Variants in TMTC1 observed in about 807,000 individuals in gnomAD.
TMTC1 encodes the protein protein O-mannosyl-transferase TMTC1.
Under a neutral mutation model 104.8 loss-of-function variants are expected in TMTC1, and 73 were observed. The ratio of observed to expected loss-of-function variants is 0.70; its 90% CI spans 0.58 to 0.85. The LOEUF (loss-of-function observed/expected upper bound fraction) is 0.85. Among genes scored for constraint, TMTC1 ranks in the 40% least tolerant of loss-of-function variants. TMTC1 has a pLI of 0.00. For missense variants in TMTC1, 1,035 were observed against 1,096.1 expected (o/e 0.94, Z 0.79); for synonymous variants, 434 against 428.7 (o/e 1.01, Z -0.15).
intron 5 of TMTC1, among the ~76,000 whole-genome samples, chr12:29,637,442 A>T (rs953074157): frequency 6.6e-6 from 1 of 152,260 alleles, no homozygotes; most frequent in Non-Finnish European, 1.5e-5. Flanking sequence ...TCACAAGAAT[A>T]TCTTGCCAAC....
In TMTC1 at chr12:29,536,314, G is replaced by C; in HGVS notation, c.1680C>G (p.Ser560=). 6.3e-7 allele frequency: 1 copy of C among 1,597,736 alleles called. No homozygotes were observed. The highest frequency in any genetic ancestry group is 8.6e-7 in the Non-Finnish European group (1 of 1,168,218). Residue 560 remains serine (S), a synonymous_variant, in exon 11 of 18, where the codon TCC becomes TCG. Coordinates refer to ENST00000539277, the MANE Select transcript of TMTC1 (RefSeq NM_001193451.2). ...ALFNLGNLLK[S]QEKKEEAITL... ...TGATAGCTTCTTCCTTTTTCTCCTGGGACCTATAGATAATAATGAAGGGGT... is the reference window on the plus strand; with the variant it reads ...TGATAGCTTCTTCCTTTTTCTCCTGCGACCTATAGATAATAATGAAGGGGT...
At chr12:29,529,380 C>T (rs1049105635) in intron 11 of TMTC1, among the ~76,000 whole-genome samples, 7 of 152,110 alleles carry the variant, frequency 4.6e-5, no homozygotes, top group Non-Finnish European at 8.8e-5. Context: ...GCCCTGACAT[C>T]GGGGTCACTA....
intron 5 of TMTC1, among the ~76,000 whole-genome samples, chr12:29,730,079 C>A (rs2136913386): frequency 6.6e-6 from 1 of 152,218 alleles, no homozygotes. Context: ...TGACTCTGAG[C>A]CTTTGCAGAA....
At position 29,758,809 on chromosome 12, in the gene TMTC1, TCAGA is replaced by T. The variant is rs1232238513; in HGVS notation, c.481-36_481-33del. The stretch of plus-strand genomic sequence containing the variant: ...AGTTAAAATAATAAAAAATGAAACT[TCAGA>T]CAATTACTTTCAGAAAACTATTACA... On this transcript the variant is annotated intron_variant, in intron 2 of 17. Transcript: ENST00000539277. 2.6e-6 allele frequency: 4 copies of T among 1,560,546 alleles called. No homozygotes were observed. In the South Asian group the frequency reaches 3.6e-5, roughly 14 times the overall value.
At chr12:29,730,943 TC>T (rs1942530385) in intron 5 of TMTC1, among the ~76,000 whole-genome samples, 1 of 152,168 alleles carries the variant, frequency 6.6e-6, no homozygotes, top group Non-Finnish European at 1.5e-5. Context: ...CACAGCAGGT[TC>T]CCTTGCAAGG....
rs1003886643 is a variant in TMTC1 at position 29,601,194 on chromosome 12, G to A, written c.1250+2984C>T. Among the ~76,000 whole-genome samples the A allele has an allele frequency of 6.6e-5, 10 of 152,290 alleles. No individual in the cohort carries two copies. The East Asian group carries it at 9.7e-4, about 15-fold the overall frequency. ...AAGATATGGCAGCATGGGAAAAGCCGGAGCTGGCATGATTCTGGGGGTTGG... is the reference window on the plus strand; with the variant it reads ...AAGATATGGCAGCATGGGAAAAGCCAGAGCTGGCATGATTCTGGGGGTTGG... On this transcript the variant is annotated intron_variant, in intron 7 of 17. Coordinates refer to ENST00000539277, the MANE Select transcript of TMTC1 (RefSeq NM_001193451.2).
At chr12:29,518,440 G>A (rs759052262) in intron 13 of TMTC1, 32 bp downstream of exon 13, 71 of 1,601,242 alleles carry the variant, frequency 4.4e-5, no homozygotes, top group Non-Finnish European at 6.0e-5. Flanking sequence ...AGGTTCCTGG[G>A]CAACTTATAA....
chr12:29,511,172 C>G (rs1337141373), intron 17 of TMTC1, among the ~76,000 whole-genome samples: 1 of 152,164 alleles, frequency 6.6e-6, no homozygotes, highest in African/African-American at 2.4e-5. Flanking sequence ...GCACTTATCA[C>G]CAGCTAATAT....
At chr12:29,768,910 C>G (rs1342397018) in intron 1 of TMTC1, among the ~76,000 whole-genome samples, 1 of 152,022 alleles carries the variant, frequency 6.6e-6, no homozygotes, top group African/African-American at 2.4e-5. Context: ...CATAATACAC[C>G]CAATTGATTC....
At chr12:29,680,136 G>A (rs1940864788) in intron 5 of TMTC1, among the ~76,000 whole-genome samples, 1 of 152,162 alleles carries the variant, frequency 6.6e-6, no homozygotes, top group Admixed American at 6.5e-5. Context: ...GTGGCAGCAA[G>A]GGAGACAGAA....
chr12:29,563,191 C>T (rs1405324364), intron 9 of TMTC1, among the ~76,000 whole-genome samples: 1 of 152,200 alleles, frequency 6.6e-6, no homozygotes, highest in Non-Finnish European at 1.5e-5. Context: ...CAAATGATCC[C>T]CAGAGGCACC....
chr12:29,701,456 G>C (rs1941592819), intron 5 of TMTC1, among the ~76,000 whole-genome samples: 1 of 152,098 alleles, frequency 6.6e-6, no homozygotes, highest in Non-Finnish European at 1.5e-5. Flanking sequence ...ATGTCAGCCT[G>C]CTCCAGAAAC....
chr12:29,627,038 T>G (rs1279126759), intron 6 of TMTC1, among the ~76,000 whole-genome samples: 3 of 151,614 alleles, frequency 2.0e-5, no homozygotes, highest in Admixed American at 1.3e-4. Flanking sequence ...GGAGGCGGAG[T>G]TGCAGTGAGC....
At chr12:29,716,970 G>A (rs1942101834) in intron 5 of TMTC1, among the ~76,000 whole-genome samples, 1 of 152,164 alleles carries the variant, frequency 6.6e-6, no homozygotes, top group African/African-American at 2.4e-5. Flanking sequence ...AGCCGAGATC[G>A]AGCCACTGCA....
intron 5 of TMTC1, among the ~76,000 whole-genome samples, chr12:29,634,213 T>A (rs1391386041): frequency 1.3e-5 from 2 of 152,166 alleles, no homozygotes; most frequent in African/African-American, 2.4e-5. Flanking sequence ...TCCTTTTTTT[T>A]TAAACAGCAT....
At chr12:29,652,890 C>T (rs766685488) in intron 5 of TMTC1, among the ~76,000 whole-genome samples, 4 of 151,980 alleles carry the variant, frequency 2.6e-5, no homozygotes, top group Non-Finnish European at 5.9e-5. Flanking sequence ...GGTGAAACCC[C>T]GTTTCTACTA....
Position 29,502,811 on chromosome 12 carries a change from A to G in TMTC1, c.*4035T>C, listed in dbSNP as rs1943623557. 1 of 152,214 alleles carries G rather than the reference A, an allele frequency of 6.6e-6. No homozygotes were observed. The highest frequency in any genetic ancestry group is 2.1e-4 in the South Asian group (1 of 4,836). 9.4% of individuals were successfully genotyped at this position (152,214 alleles called of 1,614,324 possible). A position where few individuals can be genotyped will look rare whatever the true frequency, so the allele number is the denominator to read the frequency against. ...TAGTGGTTCTCCAGCCTAGCTGCAC[A>G]TAAGAAGCATCACCAGGACAGCCAG... On this transcript the variant is annotated 3_prime_UTR_variant, in exon 18 of 18. Coordinates refer to ENST00000539277, the MANE Select transcript of TMTC1 (RefSeq NM_001193451.2).
chr12:29,610,697 G>A (rs1946823055), intron 6 of TMTC1, among the ~76,000 whole-genome samples: 1 of 152,220 alleles, frequency 6.6e-6, no homozygotes, highest in South Asian at 2.1e-4. Flanking sequence ...ACTGCGAGAT[G>A]TTTAGGGACA....
chr12:29,663,810 C>A (rs1002230778), intron 5 of TMTC1, among the ~76,000 whole-genome samples: 2 of 151,958 alleles, frequency 1.3e-5, no homozygotes, highest in Non-Finnish European at 2.9e-5. Flanking sequence ...AGCCACCACA[C>A]CCAGCCAATT....
Sources: allele counts gnomAD v4.1 joint callset (sites outside exome capture counted in the v4.1 genomes callset), GRCh38; gene constraint gnomAD v4.1.1; transcripts MANE v1.5; gene names NCBI Gene and HGNC (gene_info 2026-07-23, HGNC 2026-07-21).